Variants in SGSH observed in about 807,000 individuals in gnomAD.
SGSH encodes the protein N-sulfoglucosamine sulfohydrolase, also known as heparan sulfate sulfatase.
SGSH carries 48 observed loss-of-function variants against 51.0 expected under a neutral mutation model. The ratio of observed to expected loss-of-function variants is 0.94; its 90% CI spans 0.75 to 1.20. The LOEUF (loss-of-function observed/expected upper bound fraction) is 1.20, where lower values mean the gene tolerates loss of function less well. Among genes scored for constraint, SGSH ranks in the 50% most tolerant of loss-of-function variants. The pLI, the probability that SGSH is intolerant of heterozygous loss-of-function variation, is 0.00. For missense variants in SGSH, 662 were observed against 717.8 expected, an observed-to-expected ratio of 0.92 and a Z score of 0.89; for synonymous variants, 321 against 313.4, an observed-to-expected ratio of 1.02 and a Z score of -0.26.
Position 80,212,426 on chromosome 17 carries a change from G to GGCTCTTGCCCA in SGSH, c.746-163_746-153dup, listed in dbSNP as rs942396852. ...CCCTGTAGTTCTTCCCAATGGCCCTGGCTCTTGCCCAGCTCTTGCCCAGCT... is the reference window on the plus strand; with the variant it reads ...CCCTGTAGTTCTTCCCAATGGCCCTGGCTCTTGCCCAGCTCTTGCCCAGCTCTTGCCCAGCT... On this transcript the variant is annotated intron_variant, in intron 6 of 7. Coordinates refer to ENST00000326317, the MANE Select transcript of SGSH (RefSeq NM_000199.5). The surrounding 1 kb of genome is among the most constrained non-coding windows in gnomAD (Gnocchi z 5.9). 1.2e-5 allele frequency: 9 copies of GGCTCTTGCCCA among 722,102 alleles called. No individual in the cohort carries two copies. The highest frequency in any genetic ancestry group is 5.4e-5 in the East Asian group (2 of 37,152). The allele number at this position is 722,102 out of a possible 1,614,324, so 44.7% of individuals were successfully genotyped here.
chr17:80,218,657 G>A (rs902829228), intron 1 of SGSH, among the ~76,000 whole-genome samples: 3 of 152,316 alleles, frequency 2.0e-5, no homozygotes, highest in Non-Finnish European at 2.9e-5. Flanking sequence ...CTCCGTACCC[G>A]CAGGCCAGGA....
chr17:80,203,617 C>G, downstream of SGSH: 4 of 519,172 alleles, frequency 7.7e-6, no homozygotes, highest in Non-Finnish European at 6.8e-6. The surrounding 1 kb of genome is among the most constrained non-coding windows in gnomAD (Gnocchi z 4.6). Flanking sequence ...TGGGCCGAGG[C>G]CCTGGAGTCT....
chr17:80,213,949 C>T lies in SGSH; in HGVS notation c.664-64G>A. The T allele has an allele frequency of 6.7e-7, 1 of 1,485,306 alleles. No homozygotes were observed. Among genetic ancestry groups the T allele is most frequent in the Admixed American group, 1.9e-5 (1 of 52,158 alleles). The allele number at this position is 1,485,306 out of a possible 1,614,324, so 92.0% of individuals were successfully genotyped here. ...GACCGGGGGAGCGGTGTCCAGCCTT[C>T]TCCCCGGGGCCTCCTGCAAATGGGT... On this transcript the variant is annotated intron_variant, in intron 5 of 7. Coordinates refer to ENST00000326317, the MANE Select transcript of SGSH (RefSeq NM_000199.5). The surrounding 1 kb of genome is among the most constrained non-coding windows in gnomAD (Gnocchi z 4.6).
chr17:80,214,081 C>T (rs2041788238), intron 5 of SGSH, 91 bp downstream of exon 5: 1 of 1,493,702 alleles, frequency 6.7e-7, no homozygotes, highest in South Asian at 1.2e-5. Context: ...CTTTCTTCAT[C>T]ATCTAGGGCC....
At chr17:80,214,520 G>A (rs994617989) in intron 4 of SGSH, 95 bp downstream of exon 4, 30 of 1,408,898 alleles carry the variant, frequency 2.1e-5, no homozygotes, top group Non-Finnish European at 2.6e-5. Flanking sequence ...GCCCCCATTC[G>A]AGCCACGTGG....
At chr17:80,208,195 G>A (rs1187693801), downstream of SGSH, 1 of 1,553,242 alleles carries the variant, frequency 6.4e-7, no homozygotes, top group Non-Finnish European at 8.7e-7. Context: ...CTGCGAGGCA[G>A]GAGGAGGGAG....
Position 80,210,341 on chromosome 17 carries a change from G to C in SGSH, c.*111C>G. The C allele has an allele frequency of 6.9e-7, 1 of 1,453,996 alleles. No homozygotes were observed. Among genetic ancestry groups the C allele is most frequent in the Non-Finnish European group, 9.0e-7 (1 of 1,105,432 alleles). 90.1% of individuals were successfully genotyped at this position (1,453,996 alleles called of 1,614,324 possible). The stretch of plus-strand genomic sequence containing the variant: ...AAGGAAGAACCCTCCTTGGATGGGA[G>C]TGTGGACGGAAGGGCTGTTGCCACT... On this transcript the variant is annotated 3_prime_UTR_variant, in exon 8 of 8. Transcript: ENST00000326317.
intron 1 of SGSH, among the ~76,000 whole-genome samples, chr17:80,218,165 G>C (rs962943762): frequency 6.6e-6 from 1 of 152,256 alleles, no homozygotes; most frequent in African/African-American, 2.4e-5. Context: ...TCTGGGCTCA[G>C]CGGAAACCGC....
At position 80,210,183 on chromosome 17, in the gene SGSH, A is replaced by T; in HGVS notation, c.*269T>A. On this transcript the variant is annotated 3_prime_UTR_variant, in exon 8 of 8. Transcript: ENST00000326317. Reference sequence around the variant, plus strand: ...GTATGTCTAGAATTCCCGTGCTGGGACATGGTTCAGACACAAGGACAACTG... The same window carrying T: ...GTATGTCTAGAATTCCCGTGCTGGGTCATGGTTCAGACACAAGGACAACTG... The T allele has an allele frequency of 7.3e-7, 1 of 1,378,394 alleles. No homozygotes were observed. The highest frequency in any genetic ancestry group is 9.4e-7 in the Non-Finnish European group (1 of 1,065,598). The allele number at this position is 1,378,394 out of a possible 1,614,324, so 85.4% of individuals were successfully genotyped here.
chr17:80,208,268 G>A (rs750872801), downstream of SGSH: 35 of 1,594,446 alleles, frequency 2.2e-5, no homozygotes, highest in South Asian at 5.7e-5. Flanking sequence ...CGACCTGGAC[G>A]GCCTGCTCAG....
chr17:80,207,357 C>A (rs879614576), downstream of SGSH, among the ~76,000 whole-genome samples: 1 of 152,190 alleles, frequency 6.6e-6, no homozygotes, highest in Non-Finnish European at 1.5e-5. Flanking sequence ...TCGAGACCAG[C>A]CTGGCCAACA....
downstream of SGSH, chr17:80,208,079 A>G: frequency 7.5e-7 from 1 of 1,331,528 alleles, no homozygotes; most frequent in Non-Finnish European, 1.0e-6. Context: ...TACCCTAGCC[A>G]GGGCTCCTGG....
downstream of SGSH, chr17:80,202,551 G>A (rs999875860): frequency 2.1e-6 from 3 of 1,461,080 alleles, no homozygotes; most frequent in African/African-American, 2.8e-5. Context: ...AAGGAGGGAA[G>A]CCTGCCAAGA....
At chr17:80,216,343 C>G (rs1467112402) in intron 2 of SGSH, among the ~76,000 whole-genome samples, 2 of 151,770 alleles carry the variant, frequency 1.3e-5, no homozygotes, top group Non-Finnish European at 2.9e-5. Flanking sequence ...AAAAAAAGGA[C>G]TAGTCCTGTG....
chr17:80,203,094 C>T (rs2041075889), downstream of SGSH: 1 of 152,154 alleles, frequency 6.6e-6, no homozygotes, highest in African/African-American at 2.4e-5. This position sits in a 1 kb window ranked among gnomAD's most constrained non-coding sequence, Gnocchi z 4.6. Context: ...CTGGTGAAAC[C>T]CTGTCTCTAT....
downstream of SGSH, chr17:80,205,662 A>C: frequency 2.6e-6 from 2 of 772,446 alleles, no homozygotes; most frequent in Non-Finnish European, 2.0e-6. Flanking sequence ...GGTGAGGTCA[A>C]GGGCGGGGTG....
downstream of SGSH, chr17:80,208,650 C>T (rs1055151283): frequency 1.8e-4 from 56 of 316,834 alleles, no homozygotes; most frequent in Admixed American, 8.0e-4. Context: ...CATGCCTTCC[C>T]TAGAACCGGA....
Position 80,209,744 on chromosome 17 carries a change from C to A in SGSH, c.*708G>T. ...CAGAGGACGGGCATCGCCATGCCTT[C>A]ATCTTCGGACACTCTCAAAAAAGAT... On this transcript the variant is annotated 3_prime_UTR_variant, in exon 8 of 8. Coordinates refer to ENST00000326317, the MANE Select transcript of SGSH (RefSeq NM_000199.5). 1.0e-6 allele frequency: 1 copy of A among 985,522 alleles called. No homozygotes were observed. 61.0% of individuals were successfully genotyped at this position (985,522 alleles called of 1,614,324 possible). A position where few individuals can be genotyped will look rare whatever the true frequency, so the allele number is the denominator to read the frequency against.
intron 2 of SGSH, 104 bp from the exon 3 acceptor site, chr17:80,215,242 C>A (rs2041847107): frequency 2.4e-6 from 2 of 827,686 alleles, no homozygotes; most frequent in South Asian, 2.9e-5. Context: ...CTTCTCGGGG[C>A]CCTGATTTAG....
Sources: allele counts gnomAD v4.1 joint callset (sites outside exome capture counted in the v4.1 genomes callset), GRCh38; gene constraint gnomAD v4.1.1; non-coding constraint Gnocchi (gnomAD v3.1); transcripts MANE v1.5; gene names NCBI Gene and HGNC (gene_info 2026-07-23, HGNC 2026-07-21).